The following EXOC6B variants were observed in gnomAD, a reference collection of about 807,000 sequenced individuals.
EXOC6B encodes exocyst complex component 6B.
In EXOC6B, 54 loss-of-function variants were observed where a neutral mutation model predicts 113.5. That is an observed-to-expected ratio of 0.48 (90% CI 0.38 to 0.60). The LOEUF (loss-of-function observed/expected upper bound fraction) is 0.60, where lower values mean the gene tolerates loss of function less well. EXOC6B is among the 20% of genes least tolerant of loss of function. The pLI, the probability that EXOC6B is intolerant of heterozygous loss-of-function variation, is 0.00. For synonymous variants in EXOC6B, 357 were observed against 339.0 expected (o/e 1.05, Z -0.58); for missense variants, 797 against 977.5 (o/e 0.82, Z 2.46).
intron 18 of EXOC6B, among the ~76,000 whole-genome samples, chr2:72,391,208 G>T (rs1692352892): frequency 6.6e-6 from 1 of 152,070 alleles, no homozygotes; most frequent in Non-Finnish European, 1.5e-5. Flanking sequence ...CATTTATTTT[G>T]TACAGTATTC....
At chr2:72,321,507 C>G (rs1687841431) in intron 20 of EXOC6B, among the ~76,000 whole-genome samples, 2 of 136,880 alleles carry the variant, frequency 1.5e-5, no homozygotes, top group South Asian at 4.5e-4. Flanking sequence ...GCATTCCAGC[C>G]TGGGAGACAG....
intron 8 of EXOC6B, 106 bp from the exon 9 acceptor site, chr2:72,515,232 T>G: frequency 9.2e-7 from 1 of 1,085,940 alleles, no homozygotes; most frequent in South Asian, 1.5e-5. Context: ...TAGTATCACA[T>G]TTCTCAAAAT....
At chr2:72,382,713 T>G (rs1051471448) in intron 18 of EXOC6B, among the ~76,000 whole-genome samples, 1 of 152,156 alleles carries the variant, frequency 6.6e-6, no homozygotes, top group Non-Finnish European at 1.5e-5. Flanking sequence ...TTGAGCAGTG[T>G]TTTTATACTT....
chr2:72,542,293 T>C (rs1702649016), intron 8 of EXOC6B, among the ~76,000 whole-genome samples: 1 of 152,028 alleles, frequency 6.6e-6, no homozygotes, highest in Non-Finnish European at 1.5e-5. Context: ...AAAAAAAAAA[T>C]GAGATGGATC....
At chr2:72,675,354 C>A (rs1295456303) in intron 6 of EXOC6B, among the ~76,000 whole-genome samples, 1 of 152,216 alleles carries the variant, frequency 6.6e-6, no homozygotes, top group Non-Finnish European at 1.5e-5. Flanking sequence ...AACAACCTAC[C>A]TAAAAGCTGA....
intron 8 of EXOC6B, among the ~76,000 whole-genome samples, chr2:72,519,532 A>G (rs1008487763): frequency 6.6e-6 from 1 of 152,172 alleles, no homozygotes. Flanking sequence ...ATTAAATAAC[A>G]TGTCCTTAAG....
chr2:72,325,375 G>C (rs199733713), intron 20 of EXOC6B, among the ~76,000 whole-genome samples: 75 of 152,080 alleles, frequency 4.9e-4, no homozygotes, highest in East Asian at 2.9e-3. Flanking sequence ...CCTACACAAG[G>C]CTCCTTCCTT....
rs574125285 is a variant in EXOC6B, at chr2:72,597,123, A to G, written c.670-21455T>C. On this transcript the variant is annotated intron_variant, in intron 6 of 21. Transcript: ENST00000272427. The stretch of plus-strand genomic sequence containing the variant: ...TTTAGGAGTAAATAGAGATAGATAT[A>G]CAAAACTGAATATACTAAATGCCAC... Among the ~76,000 whole-genome samples, 16 of 151,136 alleles carry G rather than the reference A, an allele frequency of 1.1e-4. 1 individual carries two copies. The South Asian group carries it at 3.4e-3, about 32-fold the overall frequency.
intron 19 of EXOC6B, among the ~76,000 whole-genome samples, chr2:72,371,925 C>T (rs989290453): frequency 2.6e-5 from 4 of 151,988 alleles, no homozygotes; most frequent in African/African-American, 9.7e-5. Flanking sequence ...TTTAGAAAAA[C>T]CTAAAGCCTC....
intron 1 of EXOC6B, among the ~76,000 whole-genome samples, chr2:72,785,311 AT>A (rs1219773911): frequency 1.3e-5 from 2 of 152,190 alleles, no homozygotes; most frequent in Non-Finnish European, 2.9e-5. Flanking sequence ...TGGATCTATC[AT>A]TCTGGGGTCT....
intron 6 of EXOC6B, among the ~76,000 whole-genome samples, chr2:72,590,152 A>G (rs1339704364): frequency 3.3e-5 from 5 of 151,980 alleles, no homozygotes; most frequent in Admixed American, 3.3e-4. Context: ...ATAAGTTGCT[A>G]ATGAGATGAA....
intron 18 of EXOC6B, among the ~76,000 whole-genome samples, chr2:72,420,209 T>C (rs752796458): frequency 9.2e-5 from 14 of 152,212 alleles, no homozygotes; most frequent in South Asian, 2.1e-4. Context: ...TGATTTTTTT[T>C]CCACATTTTT....
intron 1 of EXOC6B, among the ~76,000 whole-genome samples, chr2:72,757,196 G>A (rs1003268946): frequency 1.3e-5 from 2 of 152,144 alleles, no homozygotes; most frequent in African/African-American, 2.4e-5. Context: ...CAAAAATTCA[G>A]TGTAACTACA....
At chr2:72,680,030 T>A (rs1034606753) in intron 6 of EXOC6B, among the ~76,000 whole-genome samples, 1 of 152,198 alleles carries the variant, frequency 6.6e-6, no homozygotes, top group Non-Finnish European at 1.5e-5. Flanking sequence ...AATGCTTTTT[T>A]CCTAAAGATG....
chr2:72,738,245 G>C (rs1681089736), intron 2 of EXOC6B, among the ~76,000 whole-genome samples: 1 of 152,158 alleles, frequency 6.6e-6, no homozygotes, highest in Non-Finnish European at 1.5e-5. Flanking sequence ...TTAGAGAGAA[G>C]ATTCAAACTA....
At chr2:72,698,443 C>T (rs1259064222) in intron 6 of EXOC6B, among the ~76,000 whole-genome samples, 2 of 152,116 alleles carry the variant, frequency 1.3e-5, no homozygotes, top group African/African-American at 2.4e-5. Context: ...AAGTAAAATG[C>T]CTTTTCATGT....
rs527459776 is a variant in EXOC6B, at chr2:72,813,575, T to C, written c.113+12223A>G. 2.6e-5 allele frequency among the ~76,000 whole-genome samples: 4 copies of C among 152,314 alleles called. No homozygotes were observed. The South Asian group carries it at 8.3e-4, about 32-fold the overall frequency. ...ACAAATGTCAAGGAAATCCTTTACC[T>C]GACCAAAAACAAAATACTTGGCTAG... On this transcript the variant is annotated intron_variant, in intron 1 of 21. Coordinates refer to ENST00000272427, the MANE Select transcript of EXOC6B (RefSeq NM_015189.3).
At chr2:72,413,208 A>C (rs1694299346) in intron 18 of EXOC6B, among the ~76,000 whole-genome samples, 1 of 150,568 alleles carries the variant, frequency 6.6e-6, no homozygotes, top group South Asian at 2.1e-4. Context: ...TGATCCGCCC[A>C]CCTCGGCCTC....
chr2:72,215,664 A>C (rs554337516), intron 20 of EXOC6B, among the ~76,000 whole-genome samples: 1 of 152,276 alleles, frequency 6.6e-6, no homozygotes, highest in East Asian at 1.9e-4. Flanking sequence ...TAACAACTAA[A>C]AGCTGAGCGC....
Sources: allele counts gnomAD v4.1 joint callset (sites outside exome capture counted in the v4.1 genomes callset), GRCh38; gene constraint gnomAD v4.1.1; transcripts MANE v1.5; gene names NCBI Gene and HGNC (gene_info 2026-07-23, HGNC 2026-07-21).